The following PAK1 variants were observed in gnomAD, a reference collection of about 807,000 sequenced individuals.
PAK1 encodes the protein p21 (RAC1) activated kinase 1.
PAK1 carries 29 observed loss-of-function variants against 67.4 expected under a neutral mutation model. That is an observed-to-expected ratio of 0.43 (90% confidence interval 0.32 to 0.59). The LOEUF (loss-of-function observed/expected upper bound fraction) is 0.59, where lower values mean the gene tolerates loss of function less well. Ranked by LOEUF, PAK1 falls within the 20% of genes least tolerant of loss-of-function variation. The pLI is 0.07. For synonymous variants in PAK1, 223 were observed against 237.4 expected, an observed-to-expected ratio of 0.94 and a Z score of 0.56; for missense variants, 337 against 670.7, an observed-to-expected ratio of 0.50 and a Z score of 5.50.
At chr11:77,369,450 T>TC (rs1220139357) in intron 5 of PAK1, among the ~76,000 whole-genome samples, 2 of 139,862 alleles carry the variant, frequency 1.4e-5, no homozygotes, top group Non-Finnish European at 3.1e-5. Flanking sequence ...ATTTCTTTTT[T>TC]TTTTTTTTTT....
chr11:77,358,541 A>C (rs1946350129), intron 6 of PAK1, among the ~76,000 whole-genome samples: 1 of 152,174 alleles, frequency 6.6e-6, no homozygotes, highest in African/African-American at 2.4e-5. Flanking sequence ...GATCTGTAGC[A>C]AGACAATTTG....
intron 4 of PAK1, 121 bp from the exon 5 acceptor site, chr11:77,374,486 C>T: frequency 1.4e-6 from 1 of 694,930 alleles, no homozygotes; most frequent in South Asian, 1.7e-5. Flanking sequence ...AATAGTATGA[C>T]TGGTACTACA....
chr11:77,416,271 G>A (rs771413924), intron 1 of PAK1, among the ~76,000 whole-genome samples: 1 of 152,056 alleles, frequency 6.6e-6, no homozygotes, highest in Non-Finnish European at 1.5e-5. Flanking sequence ...GAGCCACCAC[G>A]CCTGCCTATT....
intron 2 of PAK1, 74 bp downstream of exon 2, chr11:77,392,257 G>C: frequency 1.9e-6 from 2 of 1,032,040 alleles, no homozygotes; most frequent in Non-Finnish European, 2.8e-6. Context: ...AAAGACAACA[G>C]ATCTTTTATC....
chr11:77,398,034 A>G (rs781492572), intron 1 of PAK1, among the ~76,000 whole-genome samples: 7 of 152,232 alleles, frequency 4.6e-5, no homozygotes, highest in Admixed American at 2.0e-4. Flanking sequence ...GATATTGTGG[A>G]CACAGGCATG....
At chr11:77,345,010 T>C (rs1944192114) in intron 9 of PAK1, among the ~76,000 whole-genome samples, 1 of 152,208 alleles carries the variant, frequency 6.6e-6, no homozygotes, top group Non-Finnish European at 1.5e-5. Context: ...CTGTATCATT[T>C]CCATACATTC....
At chr11:77,453,481 G>C (rs1363814307) in intron 1 of PAK1, among the ~76,000 whole-genome samples, 4 of 149,390 alleles carry the variant, frequency 2.7e-5, no homozygotes, top group Admixed American at 1.3e-4. Flanking sequence ...ACATGAACTT[G>C]TAAGTATTCT....
chr11:77,455,360 C>T (rs1957038198), intron 1 of PAK1, among the ~76,000 whole-genome samples: 1 of 151,734 alleles, frequency 6.6e-6, no homozygotes, highest in Non-Finnish European at 1.5e-5. Flanking sequence ...TAGGTTCCAC[C>T]ATTCAGATGC....
chr11:77,529,823 C>T, the PAK1 span: 1 of 152,378 alleles, frequency 6.6e-6, no homozygotes, highest in Admixed American at 6.5e-5. Flanking sequence ...TTTCAGAGCA[C>T]TGCACATGGT....
At chr11:77,376,355 C>T (rs886150954) in intron 4 of PAK1, among the ~76,000 whole-genome samples, 7 of 152,254 alleles carry the variant, frequency 4.6e-5, no homozygotes, top group Middle Eastern at 3.4e-3. Flanking sequence ...TTCAAGGTCA[C>T]GTAAGTCAGT....
intron 9 of PAK1, among the ~76,000 whole-genome samples, chr11:77,347,877 AT>A (rs1156232321): frequency 6.6e-6 from 1 of 152,224 alleles, no homozygotes; most frequent in Admixed American, 6.5e-5. Context: ...TATTATGCAC[AT>A]TTTATAAATA....
At chr11:77,360,279 G>A (rs530646343) in intron 5 of PAK1, among the ~76,000 whole-genome samples, 5 of 152,200 alleles carry the variant, frequency 3.3e-5, no homozygotes, top group Middle Eastern at 3.4e-3. Flanking sequence ...TGACAGTGCC[G>A]GGCATATATA....
intron 14 of PAK1, among the ~76,000 whole-genome samples, chr11:77,326,110 C>G (rs1939765780): frequency 6.6e-6 from 1 of 152,134 alleles, no homozygotes; most frequent in Admixed American, 6.5e-5. Flanking sequence ...TATTAGATCA[C>G]TAGTGGGCAA....
the PAK1 span, among the ~76,000 whole-genome samples, chr11:77,483,381 TGAG>T: frequency 6.6e-6 from 1 of 151,950 alleles, no homozygotes; most frequent in Non-Finnish European, 1.5e-5. Context: ...ATGAGGAAAG[TGAG>T]GAGGATTATA....
At chr11:77,525,155 G>A in the PAK1 span, among the ~76,000 whole-genome samples, 2 of 150,724 alleles carry the variant, frequency 1.3e-5, no homozygotes, top group South Asian at 4.2e-4. Context: ...GACCAGCCCG[G>A]GCAACATGGC....
intron 14 of PAK1, among the ~76,000 whole-genome samples, chr11:77,329,878 G>T (rs993104992): frequency 2.6e-5 from 4 of 152,170 alleles, no homozygotes; most frequent in Non-Finnish European, 4.4e-5. Context: ...TGTATATTTA[G>T]AAAACCCCAT....
At chr11:77,485,223 T>C in the PAK1 span, among the ~76,000 whole-genome samples, 1 of 152,058 alleles carries the variant, frequency 6.6e-6, no homozygotes, top group Non-Finnish European at 1.5e-5. Flanking sequence ...TACAAAAAAA[T>C]AGTTGAAATG....
In PAK1 at chr11:77,336,146, G is replaced by A; in HGVS notation, c.1353C>T (p.Gly451=). ...YGPKVDIWSL[G]IMAIEMIEGE... ...CTTCAATCATTTCGATGGCCATGAT[G>A]CCCAGGGACCAGATGTCAACCTTGG... The change falls in exon 13 of 15, where the codon GGC becomes GGT. Residue 451 remains glycine, a synonymous_variant. Transcript: ENST00000356341. The A allele has an allele frequency of 6.2e-7, 1 of 1,613,608 alleles. No homozygotes were observed. Among genetic ancestry groups the A allele is most frequent in the Non-Finnish European group, 8.5e-7 (1 of 1,179,512 alleles).
At chr11:77,374,754 T>C (rs1222596825) in intron 4 of PAK1, among the ~76,000 whole-genome samples, 1 of 152,216 alleles carries the variant, frequency 6.6e-6, no homozygotes, top group African/African-American at 2.4e-5. Context: ...CTATATTGTA[T>C]AGCCTATTGC....
Sources: allele counts gnomAD v4.1 joint callset (sites outside exome capture counted in the v4.1 genomes callset), GRCh38; gene constraint gnomAD v4.1.1; transcripts MANE v1.5; gene names NCBI Gene and HGNC (gene_info 2026-07-23, HGNC 2026-07-21).